The following EYA2 variants were observed in gnomAD, a reference collection of about 807,000 sequenced individuals.
EYA2 encodes EYA transcriptional coactivator and phosphatase 2.
Under a neutral mutation model 69.2 loss-of-function variants are expected in EYA2, and 31 were observed. The observed-to-expected ratio is 0.45, with a 90% CI of 0.34 to 0.60. The LOEUF is 0.60. Among genes scored for constraint, EYA2 ranks in the 20% least tolerant of loss-of-function variants. The pLI is 0.02. For missense variants in EYA2, 622 were observed against 701.2 expected (o/e 0.89, Z 1.28); for synonymous variants, 257 against 279.4 (o/e 0.92, Z 0.80).
chr20:47,029,176 A>G (rs1044940130), intron 5 of EYA2, among the ~76,000 whole-genome samples: 2 of 152,194 alleles, frequency 1.3e-5, no homozygotes, highest in African/African-American at 4.8e-5. Flanking sequence ...GGGGGTTAGC[A>G]TATTCAGGAC....
chr20:47,069,955 A>C (rs2031253544), intron 5 of EYA2, among the ~76,000 whole-genome samples: 1 of 152,188 alleles, frequency 6.6e-6, no homozygotes, highest in Non-Finnish European at 1.5e-5. Context: ...TAAATACAAG[A>C]ATACTGTGAA....
At chr20:46,984,374 T>A in intron 1 of EYA2, among the ~76,000 whole-genome samples, 1 of 104,810 alleles carries the variant, frequency 9.5e-6, no homozygotes, top group Non-Finnish European at 2.1e-5. Context: ...CTCCAGCAAA[T>A]CAGTAAGAAA....
At position 47,182,667 on chromosome 20, in the gene EYA2, G is replaced by A. The variant is rs146640143; in HGVS notation, c.1436-624G>A. On this transcript the variant is annotated intron_variant, in intron 14 of 15. Transcript: ENST00000327619. ...AAAGGTTAAGATGGCTGGGTGCAGT[G>A]GCTCACGCCTGTAATCCCAGTACTT... Among the ~76,000 whole-genome samples the A allele has an allele frequency of 8.1e-3, 1,179 of 144,894 alleles. 15 individuals are homozygous for A. Among genetic ancestry groups the A allele is most frequent in the African/African-American group, 0.03 (1,130 of 38,056 alleles).
At chr20:47,128,616 ATATATT>A (rs1349610572) in intron 9 of EYA2, among the ~76,000 whole-genome samples, 2 of 151,732 alleles carry the variant, frequency 1.3e-5, no homozygotes, top group Non-Finnish European at 2.9e-5. Flanking sequence ...TCCCATGAAG[ATATATT>A]TATGAGTAAA....
intron 1 of EYA2, among the ~76,000 whole-genome samples, chr20:46,944,864 G>A (rs1207171952): frequency 3.3e-5 from 5 of 152,198 alleles, no homozygotes; most frequent in African/African-American, 1.2e-4. Flanking sequence ...AGCACTTTGT[G>A]AGGCCGAGGC....
At chr20:47,137,617 A>G (rs2033505690) in intron 9 of EYA2, among the ~76,000 whole-genome samples, 1 of 152,200 alleles carries the variant, frequency 6.6e-6, no homozygotes. Context: ...CCAGGATGGA[A>G]TATTTATGGT....
At chr20:47,099,583 G>A (rs927304074) in intron 9 of EYA2, among the ~76,000 whole-genome samples, 12 of 152,186 alleles carry the variant, frequency 7.9e-5, no homozygotes, top group Admixed American at 7.2e-4. Flanking sequence ...ACTGTGGAAG[G>A]TTTCTTCATA....
At chr20:46,906,772 A>C (rs117644836) in intron 1 of EYA2, among the ~76,000 whole-genome samples, 2,878 of 152,246 alleles carry the variant, frequency 0.019, 38 homozygotes, top group Middle Eastern at 0.041. Flanking sequence ...ATGGTTCTAG[A>C]GTTTGTCTTC....
At chr20:47,048,593 G>A (rs2030164462) in intron 5 of EYA2, among the ~76,000 whole-genome samples, 1 of 152,112 alleles carries the variant, frequency 6.6e-6, no homozygotes, top group East Asian at 1.9e-4. Flanking sequence ...AAAATTAGCT[G>A]GGCGTGGTGG....
intron 9 of EYA2, among the ~76,000 whole-genome samples, chr20:47,135,839 A>AAAAAAAAAAAAAAAAAAAAT (rs2033456457): frequency 1.3e-5 from 1 of 78,324 alleles, no homozygotes; most frequent in Non-Finnish European, 2.3e-5. Context: ...AAAAAAAAAA[A>AAAAAAAAAAAAAAAAAAAAT]AACAAACAAA....
At chr20:47,132,616 T>G (rs1407407499) in intron 9 of EYA2, among the ~76,000 whole-genome samples, 1 of 152,222 alleles carries the variant, frequency 6.6e-6, no homozygotes, top group Non-Finnish European at 1.5e-5. Flanking sequence ...GTCCCAGGAT[T>G]TGAACCTGGG....
At chr20:46,897,103 G>C (rs1045551419) in intron 1 of EYA2, among the ~76,000 whole-genome samples, 6 of 152,136 alleles carry the variant, frequency 3.9e-5, no homozygotes, top group Non-Finnish European at 5.9e-5. Flanking sequence ...GGTATGATTT[G>C]TTGACTTGTT....
intron 2 of EYA2, among the ~76,000 whole-genome samples, chr20:46,994,738 A>G (rs151112096): frequency 0.017 from 2,479 of 149,668 alleles, 70 homozygotes; most frequent in African/African-American, 0.053. Context: ...CTACCTGTGC[A>G]GAACAGAAAT....
chr20:47,128,124 C>G (rs1171944762), intron 9 of EYA2, among the ~76,000 whole-genome samples: 1 of 152,144 alleles, frequency 6.6e-6, no homozygotes, highest in Non-Finnish European at 1.5e-5. Context: ...CTGAGCCCTT[C>G]GGGGGCAGCT....
At chr20:47,082,702 T>G (rs1177110942) in intron 7 of EYA2, among the ~76,000 whole-genome samples, 1 of 152,200 alleles carries the variant, frequency 6.6e-6, no homozygotes, top group Non-Finnish European at 1.5e-5. Flanking sequence ...AGGCTTTTTT[T>G]AAGAAACTGT....
chr20:47,021,716 G>C (rs1983763842), intron 5 of EYA2, among the ~76,000 whole-genome samples: 1 of 150,850 alleles, frequency 6.6e-6, no homozygotes, highest in Admixed American at 6.6e-5. Flanking sequence ...GGAACATAAA[G>C]ACTGAAGCTT....
intron 5 of EYA2, among the ~76,000 whole-genome samples, chr20:47,020,148 A>G (rs1307999827): frequency 1.7e-4 from 3 of 17,640 alleles, no homozygotes; most frequent in Non-Finnish European, 4.8e-4. Context: ...AAAAGAAAAA[A>G]TATATAATTT....
chr20:47,013,345 A>T (rs1983195947), intron 4 of EYA2, among the ~76,000 whole-genome samples: 1 of 152,204 alleles, frequency 6.6e-6, no homozygotes, highest in South Asian at 2.1e-4. Context: ...GAGAAGAGGG[A>T]GGTGTGGATT....
At chr20:47,183,764 A>G (rs2034583616) in intron 15 of EYA2, among the ~76,000 whole-genome samples, 2 of 152,144 alleles carry the variant, frequency 1.3e-5, no homozygotes, top group African/African-American at 4.8e-5. Flanking sequence ...AGACAGCATT[A>G]AGCTAATGAA....
Sources: allele counts gnomAD v4.1 joint callset (sites outside exome capture counted in the v4.1 genomes callset), GRCh38; gene constraint gnomAD v4.1.1; transcripts MANE v1.5; gene names NCBI Gene and HGNC (gene_info 2026-07-23, HGNC 2026-07-21).